Variants in GNAQ observed in about 807,000 individuals in gnomAD.
The protein encoded by GNAQ is guanine nucleotide-binding protein G(q) subunit alpha.
GNAQ carries 8 observed loss-of-function variants against 43.9 expected under a neutral mutation model. The ratio of observed to expected loss-of-function variants is 0.18; its 90% confidence interval spans 0.11 to 0.33. GNAQ has a LOEUF of 0.33. Ranked by LOEUF, GNAQ falls within the 10% of genes least tolerant of loss-of-function variation. The pLI is 1.00. For synonymous variants in GNAQ, 155 were observed against 170.7 expected, an observed-to-expected ratio of 0.91 and a Z score of 0.71; for missense variants, 158 against 450.8, an observed-to-expected ratio of 0.35 and a Z score of 5.88.
At chr9:77,880,555 G>T (rs1481607698) in intron 2 of GNAQ, among the ~76,000 whole-genome samples, 2 of 141,490 alleles carry the variant, frequency 1.4e-5, no homozygotes, top group African/African-American at 2.6e-5. Flanking sequence ...GATTTTTTCT[G>T]TTTTTTTTTT....
chr9:77,940,106 T>C (rs1829293004), intron 1 of GNAQ, among the ~76,000 whole-genome samples: 1 of 152,114 alleles, frequency 6.6e-6, no homozygotes, highest in African/African-American at 2.4e-5. Flanking sequence ...AAAAGTATTC[T>C]GGAATAGAAG....
intron 1 of GNAQ, among the ~76,000 whole-genome samples, chr9:78,002,385 C>T (rs1024939808): frequency 2.0e-5 from 3 of 152,178 alleles, no homozygotes; most frequent in African/African-American, 7.2e-5. Context: ...CAGAGACACA[C>T]AACCACAAGA....
intron 1 of GNAQ, among the ~76,000 whole-genome samples, chr9:77,946,616 A>G (rs1471376308): frequency 1.3e-5 from 2 of 152,206 alleles, no homozygotes; most frequent in Non-Finnish European, 2.9e-5. Context: ...TCAAATAGGC[A>G]ATGCAGAATA....
At chr9:77,772,999 G>A (rs375758152) in intron 5 of GNAQ, among the ~76,000 whole-genome samples, 17 of 152,212 alleles carry the variant, frequency 1.1e-4, no homozygotes, top group Admixed American at 7.8e-4. Context: ...ATTCAAAGCC[G>A]TCCTGGGCCA....
At chr9:78,030,413 G>T (rs1001253695) in intron 1 of GNAQ, 1 of 423,030 alleles carries the variant, frequency 2.4e-6, no homozygotes, top group African/African-American at 2.0e-5. Context: ...TGGTCTGGTG[G>T]CTAGAGAACA....
intron 2 of GNAQ, among the ~76,000 whole-genome samples, chr9:77,907,598 G>A (rs1009463158): frequency 3.3e-5 from 5 of 152,192 alleles, no homozygotes; most frequent in African/African-American, 1.2e-4. Flanking sequence ...AAGTCGATGT[G>A]AAGTGTGTGG....
chr9:77,860,758 G>A (rs7021021), intron 2 of GNAQ, among the ~76,000 whole-genome samples: 13,956 of 152,102 alleles, frequency 0.092, 1,357 homozygotes, highest in East Asian at 0.23. Context: ...AGGACTGGAA[G>A]GCAGAGCATT....
At chr9:77,727,235 C>T (rs1825411151) in intron 6 of GNAQ, among the ~76,000 whole-genome samples, 1 of 152,108 alleles carries the variant, frequency 6.6e-6, no homozygotes, top group African/African-American at 2.4e-5. Context: ...CCAGGCTGGG[C>T]TTGAACTCCT....
intron 1 of GNAQ, among the ~76,000 whole-genome samples, chr9:77,998,586 A>C (rs139830035): frequency 1.3e-5 from 2 of 152,350 alleles, no homozygotes; most frequent in East Asian, 3.9e-4. Flanking sequence ...AATGTCTTCA[A>C]ATTACCTGAT....
intron 1 of GNAQ, among the ~76,000 whole-genome samples, chr9:77,949,781 A>T (rs1007723684): frequency 6.6e-6 from 1 of 152,182 alleles, no homozygotes; most frequent in Non-Finnish European, 1.5e-5. Flanking sequence ...TGTGGGCAGG[A>T]AACTTTTCCA....
At chr9:77,841,615 CATT>C (rs1348942851) in intron 2 of GNAQ, among the ~76,000 whole-genome samples, 1 of 152,162 alleles carries the variant, frequency 6.6e-6, no homozygotes, top group Non-Finnish European at 1.5e-5. Flanking sequence ...CTACAAGAAT[CATT>C]ATTATTTTAG....
At chr9:77,889,203 T>A (rs1424115492) in intron 2 of GNAQ, among the ~76,000 whole-genome samples, 1 of 151,626 alleles carries the variant, frequency 6.6e-6, no homozygotes, top group African/African-American at 2.4e-5. Context: ...TTGCTTGAGC[T>A]CAGGAATTAG....
chr9:77,982,599 C>G (rs1042611142), intron 1 of GNAQ, among the ~76,000 whole-genome samples: 2 of 151,918 alleles, frequency 1.3e-5, no homozygotes, highest in African/African-American at 4.8e-5. Flanking sequence ...CCCTGAAAAG[C>G]TTTTTCAGAA....
chr9:77,836,586 G>A (rs1827390316), intron 2 of GNAQ, among the ~76,000 whole-genome samples: 1 of 152,124 alleles, frequency 6.6e-6, no homozygotes, highest in Non-Finnish European at 1.5e-5. Flanking sequence ...TGGAGTACAA[G>A]TAAGGACGGA....
intron 2 of GNAQ, among the ~76,000 whole-genome samples, chr9:77,842,356 T>C (rs541081249): frequency 1.2e-4 from 18 of 152,258 alleles, no homozygotes; most frequent in South Asian, 4.1e-4. Flanking sequence ...ATCCTGACAG[T>C]ACCATGTGAG....
intron 5 of GNAQ, among the ~76,000 whole-genome samples, 184 bp downstream of exon 5, chr9:77,794,279 C>A (rs1479941051): frequency 2.6e-5 from 4 of 152,116 alleles, no homozygotes; most frequent in African/African-American, 7.2e-5. Flanking sequence ...AACACAAAGA[C>A]CTGCTCACAC....
At chr9:77,755,418 C>A (rs1368663669) in intron 5 of GNAQ, among the ~76,000 whole-genome samples, 1 of 152,042 alleles carries the variant, frequency 6.6e-6, no homozygotes, top group African/African-American at 2.4e-5. Context: ...ATCCCACTTA[C>A]CCTGATGTGA....
At chr9:77,779,680 C>CAAAAAAAAAAAAAAAAAA (rs58014303) in intron 5 of GNAQ, among the ~76,000 whole-genome samples, 1 of 95,942 alleles carries the variant, frequency 1.0e-5, no homozygotes, top group Non-Finnish European at 2.1e-5. Context: ...AAAAACAAAA[C>CAAAAAAAAAAAAAAAAAA]AAAAAAAAAA....
At chr9:77,904,711 A>T (rs549771811) in intron 2 of GNAQ, among the ~76,000 whole-genome samples, 1 of 152,290 alleles carries the variant, frequency 6.6e-6, no homozygotes, top group African/African-American at 2.4e-5. Context: ...GGGTTGATCC[A>T]AATTAAAGCT....
Sources: gnomAD v4.1 joint callset for allele counts (sites outside exome capture counted in the v4.1 genomes callset) on GRCh38, gnomAD v4.1.1 for gene constraint, MANE v1.5 for transcripts, NCBI Gene and HGNC (gene_info 2026-07-23, HGNC 2026-07-21) for gene names.